ZNF565: variants seen among roughly 807,000 people sequenced by gnomAD.
ZNF565 encodes zinc finger protein 565.
In ZNF565, 27 loss-of-function variants were observed where a neutral mutation model predicts 39.4. The ratio of observed to expected loss-of-function variants is 0.69; its 90% CI spans 0.51 to 0.95. The LOEUF is 0.95. Among genes scored for constraint, ZNF565 ranks in the 40% least tolerant of loss-of-function variants. The pLI is 0.00. For missense variants in ZNF565, 524 were observed against 621.1 expected (o/e 0.84, Z 1.66); for synonymous variants, 185 against 216.6 (o/e 0.85, Z 1.28).
At chr19:36,184,079 TAA>T (rs752744030) in intron 4 of ZNF565, among the ~76,000 whole-genome samples, 1 of 39,242 alleles carries the variant, frequency 2.5e-5, no homozygotes, top group Non-Finnish European at 4.4e-5. Flanking sequence ...CTCTGTCTCA[TAA>T]AAAAAAAAAA....
chr19:36,239,522 C>T (rs575903571), intron 1 of ZNF565, among the ~76,000 whole-genome samples: 3 of 152,028 alleles, frequency 2.0e-5, no homozygotes, highest in African/African-American at 4.8e-5. Context: ...ATGGGGTCTC[C>T]GTATATTGCC....
intron 4 of ZNF565, among the ~76,000 whole-genome samples, chr19:36,190,348 GGGT>G (rs1186650728): frequency 6.6e-6 from 1 of 151,610 alleles, no homozygotes; most frequent in Non-Finnish European, 1.5e-5. Context: ...AGGCCGAGGA[GGGT>G]GGATCACCTG....
At chr19:36,195,369 C>T (rs1975719179) in intron 2 of ZNF565, among the ~76,000 whole-genome samples, 1 of 151,882 alleles carries the variant, frequency 6.6e-6, no homozygotes, top group South Asian at 2.1e-4. Flanking sequence ...ATCCCACATG[C>T]CAAACATCAT....
intron 1 of ZNF565, among the ~76,000 whole-genome samples, chr19:36,212,720 G>C (rs1976406349): frequency 6.6e-6 from 1 of 152,046 alleles, no homozygotes; most frequent in African/African-American, 2.4e-5. Context: ...AAGAACATTA[G>C]GTATGCAGGG....
At chr19:36,221,337 G>A (rs1322227064) in intron 1 of ZNF565, among the ~76,000 whole-genome samples, 1 of 127,688 alleles carries the variant, frequency 7.8e-6, no homozygotes, top group East Asian at 2.3e-4. Flanking sequence ...CCCCTAGGCT[G>A]GAGTGCAGTG....
chr19:36,205,546 A>G (rs549973593), intron 1 of ZNF565, among the ~76,000 whole-genome samples: 3 of 152,294 alleles, frequency 2.0e-5, no homozygotes, highest in African/African-American at 7.2e-5. Flanking sequence ...AAAAGAAAGA[A>G]AAAGTAGGTT....
At chr19:36,195,998 A>G (rs111651465) in intron 2 of ZNF565, among the ~76,000 whole-genome samples, 1 of 150,352 alleles carries the variant, frequency 6.7e-6, no homozygotes, top group Non-Finnish European at 1.5e-5. Flanking sequence ...GTGCAGTGGC[A>G]CGATCTTGGC....
chr19:36,183,990 A>G (rs1018505487), intron 4 of ZNF565, among the ~76,000 whole-genome samples: 1 of 146,220 alleles, frequency 6.8e-6, no homozygotes, highest in African/African-American at 2.5e-5. Flanking sequence ...AGGCAGGAGA[A>G]TCGCTTGAAC....
rs898813634 is a variant in ZNF565 at position 36,211,455 on chromosome 19, A to T, written c.-66+3167T>A. Among the ~76,000 whole-genome samples the T allele has an allele frequency of 1.4e-3, 201 of 138,778 alleles. 1 individual carries two copies. The highest frequency in any genetic ancestry group is 6.2e-3 in the African/African-American group (190 of 30,488). 91.0% of individuals were successfully genotyped at this position (138,778 alleles called of 152,430 possible). ...GCCAAACTCCAACTCTCTCTCACAC[A>T]CACACACACACACACACACACACAC... On this transcript the variant is annotated intron_variant, in intron 1 of 4. Transcript: ENST00000304116.
intron 4 of ZNF565, among the ~76,000 whole-genome samples, chr19:36,187,722 C>G (rs1975359570): frequency 6.6e-6 from 1 of 151,686 alleles, no homozygotes; most frequent in South Asian, 2.1e-4. Context: ...ACTGCAACCT[C>G]TGGCTCCCAG....
chr19:36,231,097 G>A (rs61326559), intron 1 of ZNF565, among the ~76,000 whole-genome samples: 5,985 of 152,206 alleles, frequency 0.039, 355 homozygotes, highest in African/African-American at 0.13. Context: ...CGTGACACGC[G>A]TAAACGTGAC....
chr19:36,196,085 C>T (rs765153598), intron 2 of ZNF565, among the ~76,000 whole-genome samples: 11 of 151,898 alleles, frequency 7.2e-5, no homozygotes, highest in East Asian at 2.0e-4. Flanking sequence ...TACAGGTGTG[C>T]GCCGCCACAC....
At chr19:36,226,617 C>T (rs1348258717) in intron 1 of ZNF565, among the ~76,000 whole-genome samples, 3 of 152,066 alleles carry the variant, frequency 2.0e-5, no homozygotes, top group African/African-American at 7.2e-5. Context: ...GGACATGCTT[C>T]CTTTATCTAT....
intron 1 of ZNF565, among the ~76,000 whole-genome samples, chr19:36,226,798 C>A (rs2083613358): frequency 6.6e-6 from 1 of 152,158 alleles, no homozygotes. Flanking sequence ...TAAAAAAATT[C>A]TTTTGGGCCA....
At chr19:36,188,510 G>A (rs1376094864) in intron 4 of ZNF565, among the ~76,000 whole-genome samples, 4 of 151,920 alleles carry the variant, frequency 2.6e-5, no homozygotes, top group African/African-American at 7.3e-5. Context: ...TCAGGAGTTC[G>A]AGACCAGCCT....
At chr19:36,203,063 G>A (rs918585861) in intron 1 of ZNF565, among the ~76,000 whole-genome samples, 1 of 151,992 alleles carries the variant, frequency 6.6e-6, no homozygotes, top group Non-Finnish European at 1.5e-5. Flanking sequence ...AGCTGGGCAC[G>A]GTGGCTCACA....
At chr19:36,239,579 T>A (rs1276305092) in intron 1 of ZNF565, among the ~76,000 whole-genome samples, 3 of 152,168 alleles carry the variant, frequency 2.0e-5, no homozygotes, top group Admixed American at 6.5e-5. Context: ...CCATGGCCTG[T>A]TCAAGTGCTG....
chr19:36,216,279 A>G (rs542919291), upstream of ZNF565, among the ~76,000 whole-genome samples: 1 of 152,286 alleles, frequency 6.6e-6, no homozygotes, highest in African/African-American at 2.4e-5. Flanking sequence ...GGGCATAACA[A>G]ATGTGAACAA....
At chr19:36,218,165 C>T (rs897758335), upstream of ZNF565, 4 of 147,742 alleles carry the variant, frequency 2.7e-5, no homozygotes, top group East Asian at 7.9e-4. Flanking sequence ...TTAACTCCTT[C>T]CTCTGCCACT....
Sources: gnomAD v4.1 joint callset for allele counts (sites outside exome capture counted in the v4.1 genomes callset) on GRCh38, gnomAD v4.1.1 for gene constraint, MANE v1.5 for transcripts, NCBI Gene and HGNC (gene_info 2026-07-23, HGNC 2026-07-21) for gene names.